The following CES5A variants were observed in gnomAD, a reference collection of about 807,000 sequenced individuals.
The protein encoded by CES5A is carboxylesterase 5A.
A neutral mutation model predicts 62.9 loss-of-function variants in CES5A; 67 were observed. The observed-to-expected ratio is 1.07, with a 90% confidence interval of 0.88 to 1.31. The LOEUF is 1.31. Among genes scored for constraint, CES5A ranks in the 50% most tolerant of loss-of-function variants. The probability of loss-of-function intolerance (pLI) is 0.00; values close to 1 mark genes in which losing one functional copy is unlikely to be tolerated. For missense variants in CES5A, 748 were observed against 708.5 expected, an observed-to-expected ratio of 1.06 and a Z score of -0.63; for synonymous variants, 296 against 280.8, an observed-to-expected ratio of 1.05 and a Z score of -0.54.
upstream of CES5A, among the ~76,000 whole-genome samples, chr16:55,876,713 G>A (rs140044583): frequency 3.9e-3 from 592 of 152,340 alleles, 2 homozygotes; most frequent in Non-Finnish European, 6.2e-3. Flanking sequence ...ACCTGGGGCA[G>A]CCACAGCAGA....
chr16:55,914,399 G>T (rs2034123869), intron 1 of CES5A, among the ~76,000 whole-genome samples: 1 of 152,182 alleles, frequency 6.6e-6, no homozygotes, highest in African/African-American at 2.4e-5. Context: ...CAAAAATCAG[G>T]ATTTTGTGTT....
rs1199608457 is a variant in CES5A, at chr16:55,938,785, TATATATATATATAC to T, written c.160+10986_160+10999del. Among the ~76,000 whole-genome samples, 306 of 92,632 alleles carry T rather than the reference TATATATATATATAC, an allele frequency of 3.3e-3. 6 individuals carry two copies. The highest frequency in any genetic ancestry group is 0.014 in the African/African-American group (282 of 20,186). The allele number at this position is 92,632 out of a possible 152,430, so 60.8% of individuals were successfully genotyped here. On this transcript the variant is annotated intron_variant, in intron 2 of 13. Transcript: ENST00000521992. ...AAAAAAATATATATATATATATATA[TATATATATATATAC>T]ACACATATATATATATACACACACA...
At chr16:55,886,256 A>G (rs1241160631) in intron 1 of CES5A, among the ~76,000 whole-genome samples, 1 of 152,232 alleles carries the variant, frequency 6.6e-6, no homozygotes, top group Non-Finnish European at 1.5e-5. Context: ...TGAGGTAAAG[A>G]CATACATGAT....
At chr16:55,931,977 G>A (rs1370333656) in intron 2 of CES5A, among the ~76,000 whole-genome samples, 1 of 152,202 alleles carries the variant, frequency 6.6e-6, no homozygotes, top group Non-Finnish European at 1.5e-5. Flanking sequence ...GAAGAGGTGG[G>A]ACTTTTAAGA....
intron 2 of CES5A, among the ~76,000 whole-genome samples, chr16:55,936,029 G>A (rs1225280578): frequency 2.0e-5 from 3 of 152,138 alleles, no homozygotes; most frequent in African/African-American, 4.8e-5. Flanking sequence ...AGTCCCCAAA[G>A]TAGGGAGCCC....
chr16:55,878,953 T>TG (rs1220028392), upstream of CES5A, among the ~76,000 whole-genome samples: 2 of 129,460 alleles, frequency 1.5e-5, no homozygotes, highest in Non-Finnish European at 3.2e-5. Flanking sequence ...ACCCCATCAC[T>TG]GCACCCCATT....
At chr16:55,931,351 G>A (rs1479154900) in intron 2 of CES5A, among the ~76,000 whole-genome samples, 1 of 152,162 alleles carries the variant, frequency 6.6e-6, no homozygotes, top group Non-Finnish European at 1.5e-5. Flanking sequence ...TTAACCAAAG[G>A]TCCTCCACCT....
intron 1 of CES5A, among the ~76,000 whole-genome samples, chr16:55,889,262 T>C (rs1261492005): frequency 6.6e-6 from 1 of 152,192 alleles, no homozygotes; most frequent in Non-Finnish European, 1.5e-5. Context: ...GCTGGGTATC[T>C]TCTAATGCAA....
chr16:55,875,484 G>T, upstream of CES5A: 1 of 758,468 alleles, frequency 1.3e-6, no homozygotes, highest in East Asian at 3.4e-5. Context: ...GGACTTCCGG[G>T]ATGGGGGAAA....
chr16:55,916,545 T>C (rs1335218540), intron 1 of CES5A, among the ~76,000 whole-genome samples: 2 of 152,208 alleles, frequency 1.3e-5, no homozygotes, highest in African/African-American at 4.8e-5. Flanking sequence ...AGCGATTTCA[T>C]TAACTAATTA....
rs778717480 is a variant in CES5A, at chr16:55,846,483, GGA to G, written c.1694_1695del (p.Leu565ProfsTer26). On this transcript the variant is annotated frameshift_variant, in exon 13 of 13. Transcript: ENST00000290567. LOFTEE classifies it low-confidence loss of function (END_TRUNC). ...GCACAAAAGAAAAAGAAAGGCTGGA[GGA>G]GAGAGAGGAAAGTTAAGGAAGAAAG... Reference protein sequence around the residue: ...SPLSSLTFLSLLQPFFFFCAP With the variant: ...SPLSSLTFLSXLQPFFFFCAP The G allele has an allele frequency of 1.2e-6, 2 of 1,613,940 alleles. No individual in the cohort carries two copies. The highest frequency in any genetic ancestry group is 2.2e-5 in the South Asian group (2 of 91,076).
At chr16:55,871,092 T>C (rs2033573996) in intron 3 of CES5A, among the ~76,000 whole-genome samples, 1 of 152,232 alleles carries the variant, frequency 6.6e-6, no homozygotes, top group African/African-American at 2.4e-5. Flanking sequence ...TAGACATTAC[T>C]GTTATGATAC....
At chr16:55,917,580 T>A (rs1441853447) in intron 1 of CES5A, among the ~76,000 whole-genome samples, 1 of 152,202 alleles carries the variant, frequency 6.6e-6, no homozygotes, top group Non-Finnish European at 1.5e-5. Flanking sequence ...ATCCTTGCCA[T>A]GTAGGCATCT....
chr16:55,909,595 C>CACACACACA (rs773622111), intron 1 of CES5A, among the ~76,000 whole-genome samples: 1 of 151,892 alleles, frequency 6.6e-6, no homozygotes, highest in Non-Finnish European at 1.5e-5. Flanking sequence ...CACACACACA[C>CACACACACA]ATGTCTGGAG....
intron 1 of CES5A, among the ~76,000 whole-genome samples, chr16:55,921,758 C>T (rs1229727504): frequency 6.6e-6 from 1 of 151,298 alleles, no homozygotes; most frequent in African/African-American, 2.4e-5. Flanking sequence ...GTGCAATCCA[C>T]TCATAACTCT....
At chr16:55,946,110 A>C (rs2034492124) in intron 2 of CES5A, among the ~76,000 whole-genome samples, 1 of 152,206 alleles carries the variant, frequency 6.6e-6, no homozygotes, top group Admixed American at 6.5e-5. Flanking sequence ...TCCCTTAAAA[A>C]TCTTTTCATC....
chr16:55,954,868 T>C (rs2034592661), intron 1 of CES5A, among the ~76,000 whole-genome samples: 1 of 152,214 alleles, frequency 6.6e-6, no homozygotes, highest in African/African-American at 2.4e-5. Flanking sequence ...GAGATAAATA[T>C]TATTCCCATT....
In CES5A at chr16:55,850,930, A is replaced by G. The variant is rs557539721; in HGVS notation, c.1274-1157T>C. On this transcript the variant is annotated intron_variant, in intron 10 of 12. Coordinates refer to ENST00000290567, the MANE Select transcript of CES5A (RefSeq NM_001143685.2). ...TTAAAAAAATTATAGCCACCCTAGT[A>G]TATGACACATGCAAAAGAATAAAGG... Among the ~76,000 whole-genome samples, 17 of 152,296 alleles carry G rather than the reference A, an allele frequency of 1.1e-4. No individual in the cohort carries two copies. The South Asian group carries it at 2.9e-3, about 26-fold the overall frequency.
rs562660214 is a variant in CES5A at position 55,855,448 on chromosome 16, G to A, written c.1125+929C>T. 5.9e-5 allele frequency among the ~76,000 whole-genome samples: 9 copies of A among 152,340 alleles called. No homozygotes were observed. The East Asian group carries it at 9.6e-4, about 16-fold the overall frequency. ...TGGAACAATAAATGAGTGAATGAACGAGTAAATGACTGGTCTTGCAGAACC... is the reference window on the plus strand; with the variant it reads ...TGGAACAATAAATGAGTGAATGAACAAGTAAATGACTGGTCTTGCAGAACC... On this transcript the variant is annotated intron_variant, in intron 9 of 12. Transcript: ENST00000290567.
Sources: allele counts gnomAD v4.1 joint callset (sites outside exome capture counted in the v4.1 genomes callset), GRCh38; gene constraint gnomAD v4.1.1; transcripts MANE v1.5; gene names NCBI Gene and HGNC (gene_info 2026-07-23, HGNC 2026-07-21).